The following SUMF1 variants were observed in gnomAD, a reference collection of about 807,000 sequenced individuals.
The protein encoded by SUMF1 is sulfatase modifying factor 1.
SUMF1 carries 48 observed loss-of-function variants against 47.6 expected under a neutral mutation model. The observed-to-expected ratio is 1.01, with a 90% confidence interval of 0.80 to 1.28. SUMF1 has a LOEUF of 1.28. SUMF1 is among the 50% of genes most tolerant of loss of function. The pLI is 0.00. For synonymous variants in SUMF1, 230 were observed against 192.1 expected (o/e 1.20, Z -1.63); for missense variants, 571 against 485.4 (o/e 1.18, Z -1.66).
intron 7 of SUMF1, among the ~76,000 whole-genome samples, chr3:4,388,537 T>C (rs913061275): frequency 1.3e-5 from 2 of 152,136 alleles, no homozygotes; most frequent in African/African-American, 4.8e-5. Flanking sequence ...TTAACTGATA[T>C]ATTTAAGCAA....
intron 8 of SUMF1, among the ~76,000 whole-genome samples, chr3:4,227,140 A>G (rs1401076488): frequency 6.6e-6 from 1 of 152,108 alleles, no homozygotes; most frequent in Non-Finnish European, 1.5e-5. Flanking sequence ...TTCTCCAAGA[A>G]GCATTCTAGA....
intron 8 of SUMF1, among the ~76,000 whole-genome samples, chr3:4,371,427 C>T (rs1559253271): frequency 6.6e-6 from 1 of 152,172 alleles, no homozygotes; most frequent in Non-Finnish European, 1.5e-5. Flanking sequence ...AGGGGAGCAG[C>T]AATATGGTTT....
rs148106183 is a variant in SUMF1, at chr3:4,239,726, T to C, written c.1014+136604A>G. On this transcript the variant is annotated intron_variant and NMD_transcript_variant, in intron 8 of 12. Coordinates refer to the SUMF1 transcript ENST00000448413. The stretch of plus-strand genomic sequence containing the variant: ...TCATATCATCTGCAAACAGAGACAA[T>C]TGGACTTCCTCTTTTCCTAATTGAA... 9.2e-3 allele frequency among the ~76,000 whole-genome samples: 1,404 copies of C among 152,258 alleles called. 23 individuals carry two copies. Among genetic ancestry groups the C allele is most frequent in the African/African-American group, 0.032 (1,335 of 41,534 alleles).
intron 3 of SUMF1, among the ~76,000 whole-genome samples, chr3:4,433,999 G>A (rs1702317229): frequency 6.6e-6 from 1 of 152,256 alleles, no homozygotes; most frequent in African/African-American, 2.4e-5. Flanking sequence ...CAACATGGAT[G>A]AACCTTGAGG....
chr3:4,262,587 C>T (rs1320572863), intron 8 of SUMF1, among the ~76,000 whole-genome samples: 2 of 152,148 alleles, frequency 1.3e-5, no homozygotes, highest in Non-Finnish European at 2.9e-5. Context: ...TCCATTCTTA[C>T]CCAAGACATA....
chr3:4,104,686 C>T (rs1451845603), intron 8 of SUMF1, among the ~76,000 whole-genome samples: 1 of 151,956 alleles, frequency 6.6e-6, no homozygotes, highest in African/African-American at 2.4e-5. Context: ...CTCTCTCTCT[C>T]TCTCTTTCTG....
In SUMF1 at chr3:4,466,971, A is replaced by G; in HGVS notation, c.270+5T>C. 1 of 1,604,686 alleles carries G rather than the reference A, an allele frequency of 6.2e-7. No homozygotes were observed. Among genetic ancestry groups the G allele is most frequent in the Non-Finnish European group, 8.5e-7 (1 of 1,177,144 alleles). The stretch of plus-strand genomic sequence containing the variant: ...CCACCCGCCTCGGAGGAATCGATGG[A>G]GCACCTTTGAGTGCGCGAGTTGCCG... On this transcript the variant is annotated splice_donor_5th_base_variant and intron_variant, in intron 1 of 8. Transcript: ENST00000272902.
chr3:4,043,706 C>T (rs1367235964), intron 9 of SUMF1, among the ~76,000 whole-genome samples: 2 of 152,192 alleles, frequency 1.3e-5, no homozygotes, highest in African/African-American at 4.8e-5. Context: ...AACTATCGAT[C>T]TGTCTGCTGT....
At chr3:4,088,090 T>C (rs1559460216) in intron 8 of SUMF1, among the ~76,000 whole-genome samples, 1 of 152,116 alleles carries the variant, frequency 6.6e-6, no homozygotes, top group Non-Finnish European at 1.5e-5. Flanking sequence ...GTGAGATGTA[T>C]ACTTTGACTC....
chr3:4,075,193 T>A (rs1324953248), intron 8 of SUMF1, among the ~76,000 whole-genome samples: 1 of 151,968 alleles, frequency 6.6e-6, no homozygotes, highest in Non-Finnish European at 1.5e-5. Flanking sequence ...TCAACATACA[T>A]AAGTCAATAA....
At chr3:4,094,577 C>G (rs1021384690) in intron 8 of SUMF1, among the ~76,000 whole-genome samples, 2 of 152,066 alleles carry the variant, frequency 1.3e-5, no homozygotes, top group South Asian at 2.1e-4. Context: ...CCAGTTTACA[C>G]TACACAGTCC....
chr3:4,329,397 G>A (rs1699006256), intron 8 of SUMF1, among the ~76,000 whole-genome samples: 1 of 152,192 alleles, frequency 6.6e-6, no homozygotes, highest in Admixed American at 6.5e-5. Flanking sequence ...ATAGGTGGAG[G>A]TTCCCAAACC....
At chr3:4,313,099 G>A (rs771153592) in intron 8 of SUMF1, 2 of 1,614,046 alleles carry the variant, frequency 1.2e-6, no homozygotes, top group South Asian at 2.2e-5. Flanking sequence ...TGAATGCAAT[G>A]TCCTGTGCCG....
At chr3:4,459,747 C>G (rs959379281) in intron 1 of SUMF1, among the ~76,000 whole-genome samples, 14 of 152,314 alleles carry the variant, frequency 9.2e-5, no homozygotes, top group Non-Finnish European at 1.2e-4. Flanking sequence ...TCCCTCTTTT[C>G]TACCCCCAGA....
chr3:4,041,719 A>G (rs1694910633), intron 9 of SUMF1, among the ~76,000 whole-genome samples: 1 of 152,190 alleles, frequency 6.6e-6, no homozygotes, highest in South Asian at 2.1e-4. Flanking sequence ...CACATCTTGT[A>G]AGGCACAGGC....
At chr3:4,383,495 G>A (rs974067823) in intron 7 of SUMF1, among the ~76,000 whole-genome samples, 3 of 152,328 alleles carry the variant, frequency 2.0e-5, no homozygotes, top group African/African-American at 4.8e-5. Context: ...TCCTCTGGTC[G>A]TGGTGGTGGC....
At chr3:4,290,106 C>G (rs549413605) in intron 8 of SUMF1, among the ~76,000 whole-genome samples, 3 of 152,294 alleles carry the variant, frequency 2.0e-5, no homozygotes, top group Admixed American at 6.5e-5. Flanking sequence ...TTTTTAATCA[C>G]AATGAAACTT....
intron 9 of SUMF1, among the ~76,000 whole-genome samples, chr3:4,062,072 C>G (rs2596894): frequency 2.0e-5 from 3 of 151,842 alleles, no homozygotes; most frequent in Admixed American, 1.3e-4. Flanking sequence ...AACAGCACCC[C>G]CTTCCTCATA....
At chr3:4,448,958 G>C (rs1402841411) in intron 3 of SUMF1, among the ~76,000 whole-genome samples, 1 of 152,172 alleles carries the variant, frequency 6.6e-6, no homozygotes, top group East Asian at 1.9e-4. Context: ...TCTAGAAATG[G>C]CTATAAGTAA....
Sources: gnomAD v4.1 joint callset for allele counts (sites outside exome capture counted in the v4.1 genomes callset) on GRCh38, gnomAD v4.1.1 for gene constraint, MANE v1.5 for transcripts, NCBI Gene and HGNC (gene_info 2026-07-23, HGNC 2026-07-21) for gene names.